Variants in ANKRD11 observed in about 807,000 individuals in gnomAD.
The protein encoded by ANKRD11 is ankyrin repeat domain-containing protein 11.
A neutral mutation model predicts 195.7 loss-of-function variants in ANKRD11; 17 were observed. That is an observed-to-expected ratio of 0.09 (90% confidence interval 0.06 to 0.13). The LOEUF (loss-of-function observed/expected upper bound fraction) is 0.13, where lower values mean the gene tolerates loss of function less well. ANKRD11 is among the 10% of genes least tolerant of loss of function. The pLI is 1.00. For synonymous variants in ANKRD11, 1,953 were observed against 1,528.1 expected (o/e 1.28, Z -6.49); for missense variants, 3,735 against 3,566.1 (o/e 1.05, Z -1.21).
chr16:89,453,645 G>T lies in ANKRD11; in HGVS notation c.-144-35277C>A, dbSNP rs563862044. Among the ~76,000 whole-genome samples the T allele has an allele frequency of 3.9e-5, 6 of 152,296 alleles. No individual in the cohort carries two copies. The East Asian group carries it at 1.2e-3, about 29-fold the overall frequency. On this transcript the variant is annotated intron_variant, in intron 1 of 12. Coordinates refer to ENST00000301030, the MANE Select transcript of ANKRD11 (RefSeq NM_013275.6). Reference sequence around the variant, plus strand: ...ATTTAAATAAAAGCACAAAGCATCTGTTCAAGCACGAAAAAACATATGGGA... The same window carrying T: ...ATTTAAATAAAAGCACAAAGCATCTTTTCAAGCACGAAAAAACATATGGGA...
chr16:89,364,734 C>A (rs910405872), intron 2 of ANKRD11, among the ~76,000 whole-genome samples: 1 of 152,254 alleles, frequency 6.6e-6, no homozygotes, highest in Non-Finnish European at 1.5e-5. Flanking sequence ...GCGGGCTGGA[C>A]AAGCTTGCCC....
chr16:89,352,073 A>G (rs1036377024), intron 2 of ANKRD11, among the ~76,000 whole-genome samples: 8 of 152,148 alleles, frequency 5.3e-5, no homozygotes, highest in Non-Finnish European at 8.8e-5. Flanking sequence ...TAATTTGTGT[A>G]GAGGCGGGGG....
At chr16:89,454,182 A>G (rs1260757083) in intron 1 of ANKRD11, among the ~76,000 whole-genome samples, 1 of 152,194 alleles carries the variant, frequency 6.6e-6, no homozygotes, top group Non-Finnish European at 1.5e-5. Flanking sequence ...CACAACCAAG[A>G]GAGCCTGAAG....
Position 89,286,097 on chromosome 16 carries a change from C to T in ANKRD11, c.834G>A (p.Thr278=), listed in dbSNP as rs1003807954. The T allele has an allele frequency of 3.1e-6, 5 of 1,614,238 alleles. No individual in the cohort carries two copies. The highest frequency in any genetic ancestry group is 4.2e-6 in the Non-Finnish European group (5 of 1,180,052). ...ETPLKVANSP[T]MVNLLLGKGT... ...CTTTGCCTAACAGGAGGTTCACCAT[C>T]GTGGGGGAGTTGGCCACTTTCAGCG... is the stretch of plus-strand genomic sequence containing the variant. The change falls in exon 8 of 13, where the codon ACG becomes ACA. Residue 278 remains threonine (T), a synonymous_variant. Coordinates refer to ENST00000301030, the MANE Select transcript of ANKRD11 (RefSeq NM_013275.6).
At position 89,285,849 on chromosome 16, in the gene ANKRD11, C is replaced by T. The variant is rs1043286894; in HGVS notation, c.892+190G>A. ...CTCAGCTGACAGACAGGGCTGGCAT[C>T]TTAGAATGAAGACTGCAGGCTTCTC... On this transcript the variant is annotated intron_variant, in intron 8 of 12. Transcript: ENST00000301030. This position sits in a 1 kb window ranked among gnomAD's most constrained non-coding sequence, Gnocchi z 5.6. Among the ~76,000 whole-genome samples the T allele has an allele frequency of 2.0e-5, 3 of 152,232 alleles. No homozygotes were observed. The highest frequency in any genetic ancestry group is 4.4e-5 in the Non-Finnish European group (3 of 68,036).
rs79498210 is a variant in ANKRD11, at chr16:89,409,631, T to C, written c.-60+8653A>G. On this transcript the variant is annotated intron_variant, in intron 2 of 12. Coordinates refer to ENST00000301030, the MANE Select transcript of ANKRD11 (RefSeq NM_013275.6). ...GAGTTCCAGGCCAGTCTGAGCAACA[T>C]AGCAAGATCCTGTTGTACCAAAACA... is the stretch of plus-strand genomic sequence containing the variant. Among the ~76,000 whole-genome samples, 1,043 of 152,226 alleles carry C rather than the reference T, an allele frequency of 6.9e-3. 8 individuals carry two copies. Among genetic ancestry groups the C allele is most frequent in the Middle Eastern group, 0.02 (6 of 294 alleles).
At chr16:89,278,122 C>T (rs2033817662) in intron 9 of ANKRD11, 2 of 244,356 alleles carry the variant, frequency 8.2e-6, no homozygotes, top group South Asian at 9.4e-5. Context: ...AGTGGAGTCG[C>T]GTGGTCTGGG....
intron 2 of ANKRD11, among the ~76,000 whole-genome samples, chr16:89,373,777 ACC>A (rs1377340449): frequency 6.6e-6 from 1 of 152,210 alleles, no homozygotes; most frequent in African/African-American, 2.4e-5. Flanking sequence ...TCCCCCAAGA[ACC>A]CAGCACCCAG....
intron 2 of ANKRD11, among the ~76,000 whole-genome samples, chr16:89,338,726 CA>C (rs34799616): frequency 6.3e-3 from 275 of 43,786 alleles, no homozygotes; most frequent in African/African-American, 0.019. Flanking sequence ...CACTCAGTCT[CA>C]AAAAAAAAAA....
At chr16:89,305,484 G>T in intron 3 of ANKRD11, 140 bp from the exon 4 acceptor site, 1 of 1,246,734 alleles carries the variant, frequency 8.0e-7, no homozygotes, top group Non-Finnish European at 1.1e-6. Flanking sequence ...GCGTGGCTGT[G>T]TGAGGCTGGT....
Position 89,305,231 on chromosome 16 carries a change from A to G in ANKRD11, c.201T>C (p.Asn67=), listed in dbSNP as rs763690786. Residue 67 remains asparagine (N), a synonymous_variant, in exon 4 of 13, where the codon AAT becomes AAC. Coordinates refer to ENST00000301030, the MANE Select transcript of ANKRD11 (RefSeq NM_013275.6). ...KRKLPFTAGA[N]GEQKDSDTEK... ...CTGTGTCCGAGTCCTTCTGCTCCCC[A>G]TTGGCGCCCGCGGTGAAGGGCAGCT... 6.2e-6 allele frequency: 10 copies of G among 1,613,464 alleles called. No individual in the cohort carries two copies. The highest frequency in any genetic ancestry group is 8.5e-6 in the Non-Finnish European group (10 of 1,179,856).
At chr16:89,388,571 T>C (rs2041031593) in intron 2 of ANKRD11, among the ~76,000 whole-genome samples, 2 of 152,048 alleles carry the variant, frequency 1.3e-5, no homozygotes, top group Admixed American at 1.3e-4. Context: ...ATGCTGCATG[T>C]GTGTCTCTGA....
rs2034620173 is a variant in ANKRD11 at position 89,286,025 on chromosome 16, T to C, written c.892+14A>G. On this transcript the variant is annotated intron_variant, in intron 8 of 12. Transcript: ENST00000301030. Reference sequence around the variant, plus strand: ...TGCATAAAAGAACAGGCAGCTCAGGTGGCCGTGACTTACCCGTCGAGCTCT... The same window carrying C: ...TGCATAAAAGAACAGGCAGCTCAGGCGGCCGTGACTTACCCGTCGAGCTCT... The C allele has an allele frequency of 6.2e-7, 1 of 1,613,988 alleles. No homozygotes were observed. Among genetic ancestry groups the C allele is most frequent in the Admixed American group, 1.7e-5 (1 of 60,012 alleles).
intron 1 of ANKRD11, among the ~76,000 whole-genome samples, chr16:89,443,928 C>T (rs2043654668): frequency 6.6e-6 from 1 of 152,148 alleles, no homozygotes; most frequent in Admixed American, 6.5e-5. Flanking sequence ...CGTGCCGGGC[C>T]GGCGTCAACA....
rs1359427116 is a variant in ANKRD11, at chr16:89,281,042, G to T, written c.5500C>A (p.Pro1834Thr). The T allele has an allele frequency of 6.2e-7, 1 of 1,602,274 alleles. No homozygotes were observed. Among genetic ancestry groups the T allele is most frequent in the East Asian group, 2.2e-5 (1 of 44,618 alleles). ...PMPPSMEDRA[P>T]LPPVPAEKFA... is the part of the protein sequence containing the mutation. ...TTCTCCGCGGGAACCGGGGGCAGGG[G>T]CGCCCTGTCTTCCATCGAGGGTGGC... The change falls in exon 9 of 13, where the codon CCC becomes ACC. Residue 1834 changes from proline to threonine, a missense_variant. Physicochemically the swap from Pro to Thr is conservative, Grantham distance 38. Transcript: ENST00000301030. The surrounding 1 kb of genome is among the most constrained non-coding windows in gnomAD (Gnocchi z 5.5).
intron 2 of ANKRD11, among the ~76,000 whole-genome samples, chr16:89,387,480 G>A (rs1463018935): frequency 2.0e-5 from 3 of 151,292 alleles, no homozygotes; most frequent in East Asian, 2.0e-4. Context: ...AGACCATCCC[G>A]GCTAACACAG....
chr16:89,488,788 T>C (rs1401317843), intron 1 of ANKRD11, among the ~76,000 whole-genome samples: 5 of 152,194 alleles, frequency 3.3e-5, no homozygotes, highest in Admixed American at 6.5e-5. Flanking sequence ...TCATTTCAAG[T>C]GTTAAGGATA....
intron 2 of ANKRD11, among the ~76,000 whole-genome samples, chr16:89,379,027 G>C (rs2152100101): frequency 6.6e-6 from 1 of 152,342 alleles, no homozygotes; most frequent in East Asian, 1.9e-4. Context: ...AGACAAGCCG[G>C]GCTGAGGCAT....
chr16:89,281,781 C>T lies in ANKRD11; in HGVS notation c.4761G>A (p.Leu1587=). 6.2e-7 allele frequency: 1 copy of T among 1,614,056 alleles called. No homozygotes were observed. Residue 1587 remains leucine, a synonymous_variant, in exon 9 of 13, where the codon CTG becomes CTA. Coordinates refer to ENST00000301030, the MANE Select transcript of ANKRD11 (RefSeq NM_013275.6). The surrounding 1 kb of genome is among the most constrained non-coding windows in gnomAD (Gnocchi z 5.5). The part of the protein sequence containing the change: ...DLMMTSFERM[L]SQKDLEIEER... ...CCTCGATCTCCAGGTCCTTCTGGGA[C>T]AGCATCCTCTCGAAGCTGGTCATCA...
Sources: gnomAD v4.1 joint callset for allele counts (sites outside exome capture counted in the v4.1 genomes callset) on GRCh38, gnomAD v4.1.1 for gene constraint, Gnocchi (gnomAD v3.1) non-coding constraint, MANE v1.5 for transcripts, NCBI Gene and HGNC (gene_info 2026-07-23, HGNC 2026-07-21) for gene names.